DSCC1: variants seen among roughly 807,000 people sequenced by gnomAD.
The protein encoded by DSCC1 is sister chromatid cohesion protein DCC1.
A neutral mutation model predicts 48.2 loss-of-function variants in DSCC1; 32 were observed. That is an observed-to-expected ratio of 0.66 (90% CI 0.50 to 0.89). The LOEUF (loss-of-function observed/expected upper bound fraction) is 0.89. DSCC1 is among the 40% of genes least tolerant of loss of function. DSCC1 has a pLI of 0.00. For missense variants in DSCC1, 421 were observed against 471.7 expected, an observed-to-expected ratio of 0.89 and a Z score of 1.00; for synonymous variants, 150 against 171.5, an observed-to-expected ratio of 0.87 and a Z score of 0.98.
Position 119,847,906 on chromosome 8 carries a change from C to A in DSCC1, c.487-826G>T, listed in dbSNP as rs1346508432. On this transcript the variant is annotated intron_variant, in intron 3 of 8. Transcript: ENST00000313655. The stretch of plus-strand genomic sequence containing the variant: ...TCTCGAACTCCCGACCTCAGGTGAT[C>A]TGCCCGCCTTGGTCCCCCAAAGTGC... 2.6e-5 allele frequency among the ~76,000 whole-genome samples: 4 copies of A among 152,210 alleles called. No homozygotes were observed. The East Asian group carries it at 7.7e-4, about 29-fold the overall frequency.
intron 4 of DSCC1, among the ~76,000 whole-genome samples, chr8:119,845,996 T>C (rs538980035): frequency 6.6e-6 from 1 of 152,230 alleles, no homozygotes; most frequent in African/African-American, 2.4e-5. Flanking sequence ...CTGGGTTCTA[T>C]GCCATATGCT....
At chr8:119,835,686 T>G (rs1261709545) in intron 8 of DSCC1, among the ~76,000 whole-genome samples, 2 of 152,012 alleles carry the variant, frequency 1.3e-5, no homozygotes, top group Non-Finnish European at 2.9e-5. Context: ...GCCTCTAAAT[T>G]AGAAATACAA....
Position 119,837,545 on chromosome 8 carries a change from G to A in DSCC1, c.1073+714C>T, listed in dbSNP as rs544449412. ...AAGTTTCATGAGCAAATCATGCCTG[G>A]TGAGGGGCCGTTGTAAGTACCACTA... On this transcript the variant is annotated intron_variant, in intron 8 of 8. Transcript: ENST00000313655. Among the ~76,000 whole-genome samples the A allele has an allele frequency of 8.5e-5, 13 of 152,350 alleles. 1 individual carries two copies. Among genetic ancestry groups the A allele is most frequent in the Admixed American group, 7.2e-4 (11 of 15,312 alleles).
chr8:119,837,364 C>T (rs1427318869), intron 8 of DSCC1, among the ~76,000 whole-genome samples: 1 of 152,062 alleles, frequency 6.6e-6, no homozygotes, highest in Non-Finnish European at 1.5e-5. Context: ...AGTAGGTGTA[C>T]ACATGAGGAG....
At position 119,843,122 on chromosome 8, in the gene DSCC1, T is replaced by TA. The variant is rs200206871; in HGVS notation, c.717-295_717-294insT. Among the ~76,000 whole-genome samples the TA allele has an allele frequency of 9.9e-3, 1,455 of 147,054 alleles. 11 individuals carry two copies. Among genetic ancestry groups the TA allele is most frequent in the African/African-American group, 0.014 (559 of 38,866 alleles). Reference sequence around the variant, plus strand: ...TATTTATTGTTTGTTTTATTTTATTTTTTTTTTTTTTTTGAGAGTGCAGTA... The same window carrying TA: ...TATTTATTGTTTGTTTTATTTTATTTATTTTTTTTTTTTTGAGAGTGCAGTA... On this transcript the variant is annotated intron_variant, in intron 5 of 8. Transcript: ENST00000313655.
chr8:119,853,019 T>C lies in DSCC1; in HGVS notation c.351+28A>G, dbSNP rs1454926667. ...CATATCTGTTTTCATTCTCAGACTT[T>C]TATAAATCAGAGTACAGAAAAGAGC... On this transcript the variant is annotated intron_variant, in intron 2 of 8. Coordinates refer to ENST00000313655, the MANE Select transcript of DSCC1 (RefSeq NM_024094.3). 4 of 1,510,088 alleles carry C rather than the reference T, an allele frequency of 2.6e-6. No homozygotes were observed. In the African/African-American group the frequency reaches 4.2e-5, roughly 16 times the overall value. 93.5% of individuals were successfully genotyped at this position (1,510,088 alleles called of 1,614,324 possible). A position where few individuals can be genotyped will look rare whatever the true frequency, so the allele number is the denominator to read the frequency against.
chr8:119,846,413 G>A (rs1383235997), intron 4 of DSCC1, among the ~76,000 whole-genome samples: 1 of 151,800 alleles, frequency 6.6e-6, no homozygotes, highest in Non-Finnish European at 1.5e-5. Flanking sequence ...TGCCCAGCTT[G>A]GACCTTTCTT....
In DSCC1 at chr8:119,840,995, A is replaced by G. The variant is rs904384865; in HGVS notation, c.924+799T>C. ...AGCATTTATTTATTTATTTATTATT[A>G]TTATTATTATTTTTGAGACAGAGTC... On this transcript the variant is annotated intron_variant, in intron 7 of 8. Transcript: ENST00000313655. 3.7e-4 allele frequency among the ~76,000 whole-genome samples: 56 copies of G among 151,648 alleles called. 1 individual carries two copies. The highest frequency in any genetic ancestry group is 1.4e-3 in the African/African-American group (56 of 41,394).
At chr8:119,850,858 T>TTA (rs138899177) in intron 2 of DSCC1, among the ~76,000 whole-genome samples, 5 of 152,056 alleles carry the variant, frequency 3.3e-5, no homozygotes, top group African/African-American at 1.2e-4. Flanking sequence ...ATGAATATAC[T>TTA]TAGGCAAAAA....
At chr8:119,837,304 T>C (rs1294707661) in intron 8 of DSCC1, among the ~76,000 whole-genome samples, 1 of 152,088 alleles carries the variant, frequency 6.6e-6, no homozygotes, top group Non-Finnish European at 1.5e-5. Context: ...TGCAGAAGGA[T>C]TGGCCTTAGG....
intron 3 of DSCC1, among the ~76,000 whole-genome samples, chr8:119,847,865 G>A (rs1238632957): frequency 1.3e-5 from 2 of 151,944 alleles, no homozygotes; most frequent in South Asian, 2.1e-4. Context: ...CGGTTTCTCC[G>A]TGTAGGTCAG....
chr8:119,853,812 C>CA (rs1470879463), intron 1 of DSCC1, among the ~76,000 whole-genome samples: 2 of 151,652 alleles, frequency 1.3e-5, no homozygotes, highest in Non-Finnish European at 1.5e-5. Context: ...AGTTGTGTTG[C>CA]AAAAAAATTG....
At position 119,850,510 on chromosome 8, in the gene DSCC1, C is replaced by A. The variant is rs202227240; in HGVS notation, c.358G>T (p.Gly120Cys). The A allele has an allele frequency of 1.3e-4, 198 of 1,561,146 alleles. No homozygotes were observed. The highest frequency in any genetic ancestry group is 1.6e-4 in the Non-Finnish European group (189 of 1,163,698). ...AATTCCCAATAATTATTAGAAAAAC[C>A]AAAGATCTAGAAATTATATATATCG... ...HCNIIHTEIF[G>C]FSNNYWELRR... is the part of the protein sequence containing the mutation. The change falls in exon 3 of 9, where the codon GGT (glycine) becomes TGT (cysteine). Residue 120 changes from glycine to cysteine, a missense_variant. Physicochemically the swap from Gly to Cys is radical, Grantham distance 159 (BLOSUM62 -3). Around this residue, in one of 3 missense-constraint regions of DSCC1, gnomAD observed 174 missense variants for 184.5 expected, o/e 0.94. Transcript: ENST00000313655.
intron 1 of DSCC1, among the ~76,000 whole-genome samples, chr8:119,854,479 G>C (rs1159516256): frequency 6.6e-6 from 1 of 152,084 alleles, no homozygotes; most frequent in African/African-American, 2.4e-5. Context: ...AGAATAAAAG[G>C]TTTTTTAGAT....
intron 4 of DSCC1, 81 bp downstream of exon 4, chr8:119,846,909 G>A (rs968938179): frequency 1.4e-5 from 17 of 1,247,344 alleles, no homozygotes; most frequent in Non-Finnish European, 1.9e-5. Context: ...ACTATACGCA[G>A]TAGGGTGAAG....
chr8:119,843,782 T>G (rs753407546), intron 4 of DSCC1, 35 bp from the exon 5 acceptor site: 2 of 473,304 alleles, frequency 4.2e-6, no homozygotes, highest in Non-Finnish European at 6.3e-6. Context: ...ACCAAAGAAC[T>G]TTTTTTTTTT....
chr8:119,842,105 G>A (rs576271096), intron 6 of DSCC1, among the ~76,000 whole-genome samples, 157 bp from the exon 7 acceptor site: 1 of 151,088 alleles, frequency 6.6e-6, no homozygotes, highest in Non-Finnish European at 1.5e-5. Flanking sequence ...ACAGAGTCTC[G>A]CTCTGTCACC....
At chr8:119,854,732 C>G (rs998211979) in intron 1 of DSCC1, among the ~76,000 whole-genome samples, 1 of 152,178 alleles carries the variant, frequency 6.6e-6, no homozygotes, top group Admixed American at 6.5e-5. Flanking sequence ...CCTTTCTCAA[C>G]TCTCCACCAA....
chr8:119,840,311 C>CA (rs34075530), intron 7 of DSCC1: 9 of 152,262 alleles, frequency 5.9e-5, no homozygotes, highest in Admixed American at 5.9e-4. Context: ...AGCGTGCTAT[C>CA]AAAGAGTAAA....
Sources: allele counts gnomAD v4.1 joint callset (sites outside exome capture counted in the v4.1 genomes callset), GRCh38; gene constraint gnomAD v4.1.1; regional missense constraint gnomAD v4.1.1; transcripts MANE v1.5; gene names NCBI Gene and HGNC (gene_info 2026-07-23, HGNC 2026-07-21).